The following AHCY variants were observed in gnomAD, a reference collection of about 807,000 sequenced individuals.
AHCY encodes the protein S-adenosyl-L-homocysteine hydrolase.
AHCY carries 24 observed loss-of-function variants against 45.4 expected under a neutral mutation model. That is an observed-to-expected ratio of 0.53 (90% CI 0.38 to 0.74). AHCY has a LOEUF of 0.74. Ranked by LOEUF, AHCY falls within the 30% of genes least tolerant of loss-of-function variation. The pLI, the probability that AHCY is intolerant of heterozygous loss-of-function variation, is 0.00. For synonymous variants in AHCY, 245 were observed against 235.1 expected (o/e 1.04, Z -0.39); for missense variants, 449 against 594.1 (o/e 0.76, Z 2.54).
intron 2 of AHCY, chr20:34,295,074 C>G (rs534627495): frequency 6.9e-6 from 3 of 436,908 alleles, no homozygotes; most frequent in Non-Finnish European, 1.3e-5. Context: ...GCCTGTGACC[C>G]CCGAAGGGCC....
the AHCY span, among the ~76,000 whole-genome samples, chr20:34,262,503 G>A: frequency 6.6e-6 from 1 of 152,168 alleles, no homozygotes; most frequent in Non-Finnish European, 1.5e-5. Context: ...GATGAAGGAA[G>A]GGGCACCTGG....
chr20:34,267,426 C>T, the AHCY span, among the ~76,000 whole-genome samples: 1 of 120,790 alleles, frequency 8.3e-6, no homozygotes, highest in Admixed American at 1.0e-4. Flanking sequence ...AATCTCAGCA[C>T]TTTGGGAGGG....
At chr20:34,241,550 G>T in the AHCY span, 1 of 984,800 alleles carries the variant, frequency 1.0e-6, no homozygotes, top group Non-Finnish European at 1.2e-6. Flanking sequence ...ACTTTGGAAA[G>T]TTGAAAGGAC....
intron 1 of AHCY, chr20:34,302,866 G>A (rs2036825888): frequency 2.0e-6 from 2 of 985,346 alleles, no homozygotes; most frequent in East Asian, 1.1e-4. Flanking sequence ...GGGCCGCCCA[G>A]CTGGACAGGG....
At chr20:34,285,699 C>A in intron 8 of AHCY, 65 bp from the exon 9 acceptor site, 1 of 1,580,456 alleles carries the variant, frequency 6.3e-7, no homozygotes. Context: ...ACCCTCTGAT[C>A]TGGCAGGCCT....
chr20:34,286,126 C>T, intron 8 of AHCY: 1 of 221,426 alleles, frequency 4.5e-6, no homozygotes, highest in Non-Finnish European at 9.1e-6. Context: ...AACAAAAAAA[C>T]AACAAAGAAA....
the AHCY span, among the ~76,000 whole-genome samples, chr20:34,256,945 TA>T: frequency 6.6e-6 from 1 of 152,112 alleles, no homozygotes; most frequent in Non-Finnish European, 1.5e-5. Flanking sequence ...CACTCCCTGC[TA>T]AGAGCCTTTT....
Position 34,303,309 on chromosome 20 carries a change from G to C in AHCY, c.-39C>G. ...GTGATGGAAACGGGCGAAGGGGGCT[G>C]GGCCTCAGTCTGGGAACAGGAACTG... On this transcript the variant is annotated 5_prime_UTR_variant, in exon 1 of 10. Transcript: ENST00000217426. The C allele has an allele frequency of 1.3e-6, 2 of 1,551,690 alleles. No homozygotes were observed. The highest frequency in any genetic ancestry group is 1.7e-6 in the Non-Finnish European group (2 of 1,146,954).
the AHCY span, among the ~76,000 whole-genome samples, chr20:34,239,841 G>A: frequency 1.3e-5 from 2 of 152,152 alleles, no homozygotes; most frequent in Admixed American, 1.3e-4. Flanking sequence ...CCATCACCAC[G>A]AAAACAGACA....
the AHCY span, among the ~76,000 whole-genome samples, chr20:34,262,079 C>T: frequency 6.6e-6 from 1 of 151,856 alleles, no homozygotes; most frequent in African/African-American, 2.4e-5. Context: ...CACCACTGTA[C>T]TCCAGCCTGG....
Position 34,290,410 on chromosome 20 carries a change from G to A in AHCY, c.894C>T (p.Asn298=), listed in dbSNP as rs770308090. 3.1e-6 allele frequency: 5 copies of A among 1,614,212 alleles called. No individual in the cohort carries two copies. Among genetic ancestry groups the A allele is most frequent in the Non-Finnish European group, 1.7e-6 (2 of 1,180,038 alleles). ...CGATCTCCACGTCAAAGTGTCCAAT[G>A]TTACACACAATGGCATCATCCTTCA... is the stretch of plus-strand genomic sequence containing the variant. ...EQMKDDAIVC[N]IGHFDVEIDV... is the part of the protein sequence containing the mutation. The change falls in exon 8 of 10, where the codon AAC becomes AAT. Residue 298 remains asparagine, a synonymous_variant. Coordinates refer to ENST00000217426, the MANE Select transcript of AHCY (RefSeq NM_000687.4). The surrounding 1 kb of genome is among the most constrained non-coding windows in gnomAD (Gnocchi z 4.5).
the AHCY span, among the ~76,000 whole-genome samples, chr20:34,245,057 C>G: frequency 6.6e-6 from 1 of 152,022 alleles, no homozygotes; most frequent in Non-Finnish European, 1.5e-5. Flanking sequence ...AGAGTCAGGC[C>G]GGGCACAGTG....
At chr20:34,236,024 A>G in the AHCY span, among the ~76,000 whole-genome samples, 5 of 146,642 alleles carry the variant, frequency 3.4e-5, no homozygotes, top group African/African-American at 5.1e-5. Context: ...GAGAGAGAGA[A>G]GAAGAAAGAG....
intron 3 of AHCY, among the ~76,000 whole-genome samples, chr20:34,292,726 A>C (rs1489939723): frequency 1.3e-5 from 2 of 152,226 alleles, no homozygotes; most frequent in East Asian, 1.9e-4. Context: ...ACCTTGGGCA[A>C]ATCACTTCAC....
chr20:34,292,844 A>C (rs2036445487), intron 3 of AHCY, among the ~76,000 whole-genome samples: 1 of 152,184 alleles, frequency 6.6e-6, no homozygotes, highest in Non-Finnish European at 1.5e-5. Context: ...ATATCAGGAA[A>C]TCATTCTTTC....
downstream of AHCY, among the ~76,000 whole-genome samples, chr20:34,279,575 C>G (rs570836301): frequency 2.0e-5 from 3 of 152,254 alleles, no homozygotes; most frequent in African/African-American, 4.8e-5. Context: ...GTACCAAAGT[C>G]TGTACACTAT....
chr20:34,310,061 AT>A (rs1242793402), intron 1 of AHCY, among the ~76,000 whole-genome samples: 2 of 148,504 alleles, frequency 1.3e-5, no homozygotes, highest in Admixed American at 6.7e-5. Context: ...TGAATGATGA[AT>A]TTTTTTTTTG....
At position 34,290,425 on chromosome 20, in the gene AHCY, A is replaced by T; in HGVS notation, c.879T>A (p.Asp293Glu). ...LGRHFEQMKDDAIVCNIGHFD... is the reference protein window; with the variant it reads ...LGRHFEQMKDEAIVCNIGHFD... ...AGTGTCCAATGTTACACACAATGGC[A>T]TCATCCTTCATCTGCTCAAAGTGCC... The change falls in exon 8 of 10, where the codon GAT becomes GAA. Residue 293 changes from aspartate to glutamate, a missense_variant. Asp to Glu is a conservative substitution (Grantham distance 45, BLOSUM62 2). Coordinates refer to ENST00000217426, the MANE Select transcript of AHCY (RefSeq NM_000687.4). This position sits in a 1 kb window ranked among gnomAD's most constrained non-coding sequence, Gnocchi z 4.5. 1.2e-6 allele frequency: 2 copies of T among 1,614,232 alleles called. No individual in the cohort carries two copies. The highest frequency in any genetic ancestry group is 1.7e-6 in the Non-Finnish European group (2 of 1,180,034).
rs2036351895 is a variant in AHCY at position 34,290,734 on chromosome 20, C to A, written c.763G>T (p.Glu255Ter). Residue 255 changes from glutamate to a stop codon, truncating the protein, a stop_gained, in exon 6 of 10, where the codon GAG (glutamate) becomes TAG (stop). Transcript: ENST00000217426. LOFTEE classifies it high-confidence loss of function. The surrounding 1 kb of genome is among the most constrained non-coding windows in gnomAD (Gnocchi z 4.5). ...DPINALQAAM[E>*]GYEVTTMDEA... ...ACCAACCCTTGCCCTATCCTACCCT[C>A]CATGGCAGCCTGCAGTGCGTTGATG... is the stretch of plus-strand genomic sequence containing the variant. The A allele has an allele frequency of 6.2e-7, 1 of 1,613,936 alleles. No homozygotes were observed. The highest frequency in any genetic ancestry group is 2.2e-5 in the East Asian group (1 of 44,854).
Sources: allele counts gnomAD v4.1 joint callset (sites outside exome capture counted in the v4.1 genomes callset), GRCh38; gene constraint gnomAD v4.1.1; non-coding constraint Gnocchi (gnomAD v3.1); transcripts MANE v1.5; gene names NCBI Gene and HGNC (gene_info 2026-07-23, HGNC 2026-07-21).